The following FLNB variants were observed in gnomAD, a reference collection of about 807,000 sequenced individuals.
FLNB encodes filamin B, also known as filamin-B.
Under a neutral mutation model 250.6 loss-of-function variants are expected in FLNB, and 111 were observed. The ratio of observed to expected loss-of-function variants is 0.44; its 90% CI spans 0.38 to 0.52. The LOEUF is 0.52. Among genes scored for constraint, FLNB ranks in the 20% least tolerant of loss-of-function variants. The pLI is 0.00. For missense variants in FLNB, 2,869 were observed against 3,447.8 expected, an observed-to-expected ratio of 0.83 and a Z score of 4.20; for synonymous variants, 1,302 against 1,372.1, an observed-to-expected ratio of 0.95 and a Z score of 1.13.
At chr3:58,085,896 C>T (rs547190607) in intron 4 of FLNB, among the ~76,000 whole-genome samples, 67 of 152,248 alleles carry the variant, frequency 4.4e-4, no homozygotes, top group African/African-American at 1.6e-3. Context: ...CAAGCCCAGA[C>T]CTTTGACAAG....
intron 1 of FLNB, among the ~76,000 whole-genome samples, chr3:58,044,792 A>G (rs1343920052): frequency 4.6e-5 from 7 of 152,152 alleles, no homozygotes. Flanking sequence ...CCTCTGCTCC[A>G]GTGTGGGCCC....
At chr3:58,093,125 A>T (rs2097231068) in intron 4 of FLNB, among the ~76,000 whole-genome samples, 1 of 152,324 alleles carries the variant, frequency 6.6e-6, no homozygotes, top group Admixed American at 6.5e-5. Context: ...TATTTGCTAG[A>T]GTGGCTCACA....
Position 58,142,467 on chromosome 3 carries a change from A to G in FLNB, c.5182-183A>G, listed in dbSNP as rs1278403939. Reference sequence around the variant, plus strand: ...AACAGTTGGTCAGCATGACCTCTCCAGTCCCTCAGGTTCTACCCTGGGTCT... The same window carrying G: ...AACAGTTGGTCAGCATGACCTCTCCGGTCCCTCAGGTTCTACCCTGGGTCT... On this transcript the variant is annotated intron_variant, in intron 30 of 45. Transcript: ENST00000295956. This position sits in a 1 kb window ranked among gnomAD's most constrained non-coding sequence, Gnocchi z 4.3. Among the ~76,000 whole-genome samples, 3 of 152,206 alleles carry G rather than the reference A, an allele frequency of 2.0e-5. No individual in the cohort carries two copies. Among genetic ancestry groups the G allele is most frequent in the Admixed American group, 6.5e-5 (1 of 15,276 alleles).
chr3:58,108,262 A>G (rs1380925833), intron 12 of FLNB, among the ~76,000 whole-genome samples, 196 bp from the exon 13 acceptor site: 1 of 152,172 alleles, frequency 6.6e-6, no homozygotes, highest in Non-Finnish European at 1.5e-5. Context: ...TTTCTCCCTT[A>G]TGAGGGAGAG....
At chr3:58,014,393 T>C (rs780475405) in intron 1 of FLNB, among the ~76,000 whole-genome samples, 5 of 152,212 alleles carry the variant, frequency 3.3e-5, no homozygotes, top group Admixed American at 6.5e-5. Flanking sequence ...GTCTGGTCAT[T>C]CCAGCCTCCC....
intron 1 of FLNB, among the ~76,000 whole-genome samples, chr3:58,014,656 G>A (rs559558682): frequency 8.3e-4 from 126 of 152,360 alleles, no homozygotes; most frequent in African/African-American, 2.9e-3. Flanking sequence ...TAGGGGAGCA[G>A]ATACCCAGGG....
intron 16 of FLNB, 146 bp from the exon 17 acceptor site, chr3:58,111,645 T>TA: frequency 1.5e-6 from 1 of 680,376 alleles, no homozygotes; most frequent in Non-Finnish European, 2.7e-6. Context: ...TGGCTTATCT[T>TA]ACCCTTCTGT....
chr3:58,016,480 A>G (rs1481456465), intron 1 of FLNB, among the ~76,000 whole-genome samples: 1 of 149,486 alleles, frequency 6.7e-6, no homozygotes, highest in Non-Finnish European at 1.5e-5. Flanking sequence ...ATATATATAT[A>G]TTTATATATG....
At chr3:58,060,310 A>G (rs1230023809) in intron 1 of FLNB, among the ~76,000 whole-genome samples, 1 of 148,020 alleles carries the variant, frequency 6.8e-6, no homozygotes, top group Non-Finnish European at 1.5e-5. Context: ...TGAGCCCGGG[A>G]GTTTGAGATC....
At position 58,164,546 on chromosome 3, in the gene FLNB, C is replaced by G. The variant is rs2097367202; in HGVS notation, c.7198+1216C>G. On this transcript the variant is annotated intron_variant, in intron 43 of 45. Transcript: ENST00000295956. This position sits in a 1 kb window ranked among gnomAD's most constrained non-coding sequence, Gnocchi z 4.0. ...CTGCATGGTTGCCTGGCATCCAGCC[C>G]TAGGAGCAAGTGACCTGTGTGGCCA... 6.6e-6 allele frequency: 1 copy of G among 152,446 alleles called. No individual in the cohort carries two copies. 9.4% of individuals were successfully genotyped at this position (152,446 alleles called of 1,614,324 possible).
chr3:58,054,890 A>G (rs1314035351), intron 1 of FLNB, among the ~76,000 whole-genome samples: 1 of 152,174 alleles, frequency 6.6e-6, no homozygotes, highest in Non-Finnish European at 1.5e-5. Flanking sequence ...TCATTTATTT[A>G]TGTACTGTCT....
intron 38 of FLNB, chr3:58,151,467 GGGGA>G (rs2097344893): frequency 1.3e-5 from 2 of 151,976 alleles, no homozygotes; most frequent in Admixed American, 6.6e-5. Context: ...CTCAAGGTGG[GGGGA>G]GGAAGTGTCA....
At chr3:58,123,731 AGCTGGGACTTAAGG>A in intron 21 of FLNB, 41 bp downstream of exon 21, 1 of 1,471,186 alleles carries the variant, frequency 6.8e-7, no homozygotes, top group Non-Finnish European at 9.3e-7. Flanking sequence ...AAAAAAGACA[AGCTGGGACTTAAGG>A]GCTACCTGAA....
chr3:58,009,979 C>T (rs11712230), intron 1 of FLNB, among the ~76,000 whole-genome samples: 46,565 of 152,052 alleles, frequency 0.31, 8,312 homozygotes, highest in Middle Eastern at 0.44. Flanking sequence ...TGCATGTGGG[C>T]GTTTGTGCAG....
At chr3:58,089,187 C>T (rs1239608830) in intron 4 of FLNB, among the ~76,000 whole-genome samples, 6 of 151,854 alleles carry the variant, frequency 4.0e-5, no homozygotes, top group Non-Finnish European at 2.9e-5. Flanking sequence ...GATGCCAACA[C>T]TGAGGTGATA....
chr3:58,133,822 G>A (rs961042543), intron 26 of FLNB, among the ~76,000 whole-genome samples: 40 of 152,116 alleles, frequency 2.6e-4, no homozygotes, highest in African/African-American at 8.7e-4. Flanking sequence ...GTAGAAATAT[G>A]TAATTTATAA....
chr3:58,021,534 C>T (rs550568118), intron 1 of FLNB, among the ~76,000 whole-genome samples: 220 of 152,254 alleles, frequency 1.4e-3, no homozygotes, highest in African/African-American at 4.9e-3. Context: ...TAGGCAGTGG[C>T]TTGTCACATT....
intron 1 of FLNB, among the ~76,000 whole-genome samples, chr3:58,064,115 C>T (rs2097182123): frequency 6.6e-6 from 1 of 152,160 alleles, no homozygotes; most frequent in East Asian, 1.9e-4. Context: ...CAGCACAGAG[C>T]TGGGAGCTCA....
At chr3:58,034,850 C>G (rs1007250052) in intron 1 of FLNB, among the ~76,000 whole-genome samples, 3 of 152,132 alleles carry the variant, frequency 2.0e-5, no homozygotes, top group Non-Finnish European at 4.4e-5. Flanking sequence ...CAGCCACACC[C>G]CACACCTCCC....
Sources: gnomAD v4.1 joint callset for allele counts (sites outside exome capture counted in the v4.1 genomes callset) on GRCh38, gnomAD v4.1.1 for gene constraint, Gnocchi (gnomAD v3.1) non-coding constraint, MANE v1.5 for transcripts, NCBI Gene and HGNC (gene_info 2026-07-23, HGNC 2026-07-21) for gene names.